Variants in WWOX observed in about 807,000 individuals in gnomAD.
WWOX encodes WW domain-containing oxidoreductase.
Under a neutral mutation model 46.2 loss-of-function variants are expected in WWOX, and 69 were observed. The observed-to-expected ratio is 1.49, with a 90% CI of 1.23 to 1.82. The LOEUF (loss-of-function observed/expected upper bound fraction) is 1.82. WWOX is among the 40% of genes most tolerant of loss of function. The pLI is 0.00. For synonymous variants in WWOX, 359 were observed against 202.6 expected (o/e 1.77, Z -6.56); for missense variants, 919 against 542.6 (o/e 1.69, Z -6.89).
chr16:78,356,070 C>CT (rs2081280028), intron 5 of WWOX, among the ~76,000 whole-genome samples: 1 of 9,594 alleles, frequency 1.0e-4, no homozygotes. Context: ...TTTTTTTTTC[C>CT]TAAAAAAAAA....
At chr16:78,472,101 G>GAAAA (rs2084237154) in intron 8 of WWOX, among the ~76,000 whole-genome samples, 1 of 152,118 alleles carries the variant, frequency 6.6e-6, no homozygotes, top group African/African-American at 2.4e-5. Flanking sequence ...AGTAGACAGA[G>GAAAA]AGTTGAGGAA....
chr16:79,093,243 G>C (rs1404351193), intron 8 of WWOX, among the ~76,000 whole-genome samples: 1 of 152,160 alleles, frequency 6.6e-6, no homozygotes, highest in Admixed American at 6.5e-5. Context: ...GGTGGGGAGA[G>C]AGGCAGATTT....
intron 8 of WWOX, among the ~76,000 whole-genome samples, chr16:79,078,588 A>T (rs2048703446): frequency 6.6e-6 from 1 of 152,230 alleles, no homozygotes; most frequent in African/African-American, 2.4e-5. Flanking sequence ...CCATAGGAGA[A>T]TCTGAGTTCC....
In WWOX at chr16:79,052,532, C is replaced by T. The variant is rs143932641; in HGVS notation, c.1057-159076C>T. On this transcript the variant is annotated intron_variant, in intron 8 of 8. Transcript: ENST00000566780. ...CAATAGCAAAGACTTGGAACCAACC[C>T]AAATGTCCAACAGTGGTAGACTGGA... is the stretch of plus-strand genomic sequence containing the variant. Among the ~76,000 whole-genome samples, 32 of 152,324 alleles carry T rather than the reference C, an allele frequency of 2.1e-4. No homozygotes were observed. In the East Asian group the frequency reaches 5.8e-3, roughly 28 times the overall value.
At chr16:78,927,385 C>G (rs117803149) in intron 8 of WWOX, among the ~76,000 whole-genome samples, 1 of 152,066 alleles carries the variant, frequency 6.6e-6, no homozygotes, top group African/African-American at 2.4e-5. Context: ...TGGAGCAGAC[C>G]ATCAATAACT....
intron 8 of WWOX, among the ~76,000 whole-genome samples, chr16:78,734,478 G>A (rs925091491): frequency 1.3e-5 from 2 of 152,274 alleles, no homozygotes; most frequent in Admixed American, 6.5e-5. Flanking sequence ...ACGGTCTGCG[G>A]GTTGACATTT....
rs185363458 is a variant in WWOX, at chr16:79,081,095, G to A, written c.1057-130513G>A. 7.8e-4 allele frequency among the ~76,000 whole-genome samples: 118 copies of A among 152,226 alleles called. 1 individual carries two copies. The Middle Eastern group carries it at 0.01, about 13-fold the overall frequency. On this transcript the variant is annotated intron_variant, in intron 8 of 8. Transcript: ENST00000566780. ...AAGTTTTTTGGTATAGCTGCCAGGG[G>A]TCATTGTTTCCATCCCCTGTGTGGA... is the stretch of plus-strand genomic sequence containing the variant.
At chr16:78,654,035 T>C (rs1341596990) in intron 8 of WWOX, among the ~76,000 whole-genome samples, 1 of 152,338 alleles carries the variant, frequency 6.6e-6, no homozygotes, top group African/African-American at 2.4e-5. Context: ...ACCCCAACTA[T>C]TGCAGAAATT....
intron 4 of WWOX, among the ~76,000 whole-genome samples, chr16:78,131,642 C>T (rs527910236): frequency 3.1e-4 from 46 of 150,594 alleles, no homozygotes; most frequent in African/African-American, 1.1e-3. Flanking sequence ...AGTGCAATGG[C>T]CCGATCTTGG....
intron 8 of WWOX, among the ~76,000 whole-genome samples, chr16:78,956,404 C>T (rs527250102): frequency 5.9e-5 from 9 of 152,128 alleles, no homozygotes; most frequent in African/African-American, 2.2e-4. Context: ...ATCCGCCCAT[C>T]TCGGCCTCCC....
At chr16:79,152,521 A>T (rs1217985915) in intron 8 of WWOX, among the ~76,000 whole-genome samples, 1 of 152,018 alleles carries the variant, frequency 6.6e-6, no homozygotes, top group Non-Finnish European at 1.5e-5. Flanking sequence ...AAATACAAAA[A>T]TTAGCTGGGC....
intron 8 of WWOX, among the ~76,000 whole-genome samples, chr16:78,935,287 A>G (rs555169908): frequency 3.0e-4 from 46 of 152,354 alleles, no homozygotes; most frequent in African/African-American, 1.1e-3. Flanking sequence ...TCATGCTGCT[A>G]TAAAGACACA....
chr16:79,188,817 G>A (rs2051070981), intron 8 of WWOX, among the ~76,000 whole-genome samples: 1 of 152,214 alleles, frequency 6.6e-6, no homozygotes, highest in South Asian at 2.1e-4. Flanking sequence ...TTTTCCTGGG[G>A]CTGCTCGGTT....
chr16:78,571,449 T>C (rs1287338124), intron 8 of WWOX, among the ~76,000 whole-genome samples: 6 of 152,314 alleles, frequency 3.9e-5, no homozygotes, highest in Admixed American at 3.3e-4. Context: ...TTAATAAGTT[T>C]TTGTGGGCAT....
chr16:78,786,344 T>A (rs996405548), intron 8 of WWOX, among the ~76,000 whole-genome samples: 1 of 152,204 alleles, frequency 6.6e-6, no homozygotes, highest in African/African-American at 2.4e-5. Context: ...GTTATAAATA[T>A]GAGATCACTG....
At chr16:78,803,242 G>GTTT (rs570602530) in intron 8 of WWOX, among the ~76,000 whole-genome samples, 1 of 145,082 alleles carries the variant, frequency 6.9e-6, no homozygotes, top group Non-Finnish European at 1.5e-5. Context: ...AGAAGTGAGA[G>GTTT]TTTTTTTTTT....
At chr16:78,330,025 A>T (rs1407611187) in intron 5 of WWOX, among the ~76,000 whole-genome samples, 1 of 152,146 alleles carries the variant, frequency 6.6e-6, no homozygotes, top group Non-Finnish European at 1.5e-5. Context: ...AAAGTACTGG[A>T]TTACAGGCAT....
chr16:78,673,403 G>C (rs967900810), intron 8 of WWOX, among the ~76,000 whole-genome samples: 2 of 152,120 alleles, frequency 1.3e-5, no homozygotes, highest in Non-Finnish European at 2.9e-5. Flanking sequence ...AGTTATCTTA[G>C]CCAACTGTGA....
At chr16:78,632,601 C>T (rs111777936) in intron 8 of WWOX, among the ~76,000 whole-genome samples, 92 of 120,004 alleles carry the variant, frequency 7.7e-4, no homozygotes, top group African/African-American at 2.7e-3. Context: ...TTCTGTCTCC[C>T]AGGCTGGAGT....
Sources: gnomAD v4.1 joint callset for allele counts (sites outside exome capture counted in the v4.1 genomes callset) on GRCh38, gnomAD v4.1.1 for gene constraint, MANE v1.5 for transcripts, NCBI Gene and HGNC (gene_info 2026-07-23, HGNC 2026-07-21) for gene names.